Variants in CSMD2 observed in about 807,000 individuals in gnomAD.
The protein encoded by CSMD2 is CUB and sushi domain-containing protein 2.
Under a neutral mutation model 398.5 loss-of-function variants are expected in CSMD2, and 130 were observed. The ratio of observed to expected loss-of-function variants is 0.33; its 90% CI spans 0.28 to 0.38. CSMD2 has a LOEUF of 0.38. CSMD2 is among the 10% of genes least tolerant of loss of function. The probability of loss-of-function intolerance (pLI) is 1.00; values close to 1 mark genes in which losing one functional copy is unlikely to be tolerated. For missense variants in CSMD2, 3,829 were observed against 4,764.9 expected, an observed-to-expected ratio of 0.80 and a Z score of 5.78; for synonymous variants, 1,828 against 1,908.5, an observed-to-expected ratio of 0.96 and a Z score of 1.10.
At chr1:34,040,997 T>C in intron 2 of CSMD2, among the ~76,000 whole-genome samples, 1 of 152,064 alleles carries the variant, frequency 6.6e-6, no homozygotes, top group Non-Finnish European at 1.5e-5. Context: ...TGGTGGTGCA[T>C]GCCTGTAGTC....
At position 34,083,109 on chromosome 1, in the gene CSMD2, G is replaced by T. The variant is rs1401194413; in HGVS notation, c.404+5868C>A. ...AAAAAAAAAAAAAGAAATCAAGGAA[G>T]CAGAGATAGAAAACATAGGCAGCTC... is the stretch of plus-strand genomic sequence containing the variant. On this transcript the variant is annotated intron_variant, in intron 2 of 70. Transcript: ENST00000373381. Among the ~76,000 whole-genome samples, 7 of 151,402 alleles carry T rather than the reference G, an allele frequency of 4.6e-5. 1 individual carries two copies. The highest frequency in any genetic ancestry group is 7.4e-5 in the Non-Finnish European group (5 of 67,852).
At chr1:33,677,161 G>A (rs1415833870) in intron 25 of CSMD2, among the ~76,000 whole-genome samples, 1 of 152,176 alleles carries the variant, frequency 6.6e-6, no homozygotes, top group Non-Finnish European at 1.5e-5. Context: ...ACGAACATCA[G>A]AGTGAACAGG....
At chr1:33,957,212 C>T (rs541741357) in intron 3 of CSMD2, among the ~76,000 whole-genome samples, 4 of 152,242 alleles carry the variant, frequency 2.6e-5, no homozygotes, top group East Asian at 1.9e-4. Context: ...CTAGAAGGTA[C>T]GCTCCATGCA....
intron 1 of CSMD2, among the ~76,000 whole-genome samples, chr1:34,150,144 C>G (rs1640172460): frequency 1.4e-5 from 2 of 145,600 alleles, no homozygotes; most frequent in African/African-American, 5.1e-5. Flanking sequence ...TGCAGTGGTG[C>G]AATCATGGCT....
intron 9 of CSMD2, among the ~76,000 whole-genome samples, chr1:33,812,729 T>G (rs1657000365): frequency 6.6e-6 from 1 of 152,116 alleles, no homozygotes; most frequent in African/African-American, 2.4e-5. Flanking sequence ...GAGGATGAAA[T>G]TATATGAGAT....
intron 57 of CSMD2, among the ~76,000 whole-genome samples, chr1:33,544,794 T>C (rs948580651): frequency 6.6e-6 from 1 of 151,000 alleles, no homozygotes; most frequent in African/African-American, 2.5e-5. Context: ...ACTTGAGTGA[T>C]GGACACTGTA....
chr1:33,900,577 G>A (rs1435646091), intron 5 of CSMD2, among the ~76,000 whole-genome samples: 2 of 152,212 alleles, frequency 1.3e-5, no homozygotes, highest in African/African-American at 2.4e-5. Flanking sequence ...AGGAGTTCAA[G>A]ACCAGCCTGG....
intron 44 of CSMD2, among the ~76,000 whole-genome samples, chr1:33,590,657 G>A (rs1408733457): frequency 6.8e-6 from 1 of 146,014 alleles, no homozygotes; most frequent in Admixed American, 6.9e-5. Context: ...CACATTGATG[G>A]TATCCCACTG....
At position 33,580,840 on chromosome 1, in the gene CSMD2, T is replaced by A; in HGVS notation, c.7300A>T (p.Ile2434Phe). Residue 2434 changes from isoleucine (I) to phenylalanine (F), a missense_variant, in exon 48 of 71, where the codon ATT becomes TTT. Physicochemically the swap from Ile to Phe is conservative, Grantham distance 21 (BLOSUM62 0). Around this residue, in one of 5 missense-constraint regions of CSMD2, gnomAD observed 723 missense variants for 758.6 expected, o/e 0.95. Transcript: ENST00000373381. ...ALSGNYSAPL[I>F]VTSSSNSVYL... ...ACAGAGTTGCTTGAGCTGGTGACAA[T>A]CAGGGGAGCTGAGTAATTCCCACTG... 6.2e-7 allele frequency: 1 copy of A among 1,614,054 alleles called. No individual in the cohort carries two copies. The highest frequency in any genetic ancestry group is 1.1e-5 in the South Asian group (1 of 91,072).
intron 6 of CSMD2, among the ~76,000 whole-genome samples, chr1:33,828,482 GAAGA>G (rs1659074520): frequency 6.6e-6 from 1 of 152,208 alleles, no homozygotes; most frequent in African/African-American, 2.4e-5. Context: ...AGTGGGAGGT[GAAGA>G]AAGAGTCTTC....
At chr1:34,160,031 A>G in intron 1 of CSMD2, among the ~76,000 whole-genome samples, 1 of 152,336 alleles carries the variant, frequency 6.6e-6, no homozygotes, top group East Asian at 1.9e-4. Flanking sequence ...CTGCGGAGCA[A>G]TCAGGTTCCC....
At chr1:34,011,122 T>C (rs1647277188) in intron 3 of CSMD2, among the ~76,000 whole-genome samples, 1 of 152,184 alleles carries the variant, frequency 6.6e-6, no homozygotes, top group Non-Finnish European at 1.5e-5. Context: ...ACTACTGGTC[T>C]AGCCCCAAGC....
At chr1:33,572,391 GT>G (rs34459850) in intron 50 of CSMD2, 114 bp downstream of exon 50, 130,612 of 813,804 alleles carry the variant, frequency 0.16, 2,146 homozygotes, top group East Asian at 0.27. Flanking sequence ...CCATGTCCAT[GT>G]TTTTTTTTTT....
At position 33,633,606 on chromosome 1, in the gene CSMD2, G is replaced by A; in HGVS notation, c.5087-71C>T. 1 of 1,201,858 alleles carries A rather than the reference G, an allele frequency of 8.3e-7. No individual in the cohort carries two copies. Among genetic ancestry groups the A allele is most frequent in the Non-Finnish European group, 1.2e-6 (1 of 830,232 alleles). 74.4% of individuals were successfully genotyped at this position (1,201,858 alleles called of 1,614,324 possible). A position where few individuals can be genotyped will look rare whatever the true frequency, so the allele number is the denominator to read the frequency against. On this transcript the variant is annotated intron_variant, in intron 31 of 70. Transcript: ENST00000373381. This position sits in a 1 kb window ranked among gnomAD's most constrained non-coding sequence, Gnocchi z 5.0. ...CAGGAGAGGGGATCTAGGGGTCTAG[G>A]GGCCCAAGCCAGGAGGAGGGCAGCC...
At chr1:33,923,183 A>G (rs1644008891) in intron 4 of CSMD2, among the ~76,000 whole-genome samples, 1 of 152,122 alleles carries the variant, frequency 6.6e-6, no homozygotes, top group Non-Finnish European at 1.5e-5. Flanking sequence ...TGTCCCTCCC[A>G]AATCTCACGT....
At chr1:34,110,683 G>A (rs1267524072) in intron 1 of CSMD2, among the ~76,000 whole-genome samples, 1 of 146,356 alleles carries the variant, frequency 6.8e-6, no homozygotes, top group Non-Finnish European at 1.6e-5. Context: ...AGAACACATG[G>A]ACACAAAGAG....
At chr1:34,091,742 T>A (rs1658589091) in intron 1 of CSMD2, among the ~76,000 whole-genome samples, 1 of 152,146 alleles carries the variant, frequency 6.6e-6, no homozygotes, top group African/African-American at 2.4e-5. Flanking sequence ...CATTCAAAAC[T>A]AGGAAAAAGA....
chr1:34,036,015 T>C (rs1184004353), intron 2 of CSMD2, among the ~76,000 whole-genome samples: 1 of 152,166 alleles, frequency 6.6e-6, no homozygotes, highest in East Asian at 1.9e-4. Flanking sequence ...ATAGTCACGA[T>C]ACCCAATGCT....
At position 33,831,719 on chromosome 1, in the gene CSMD2, A is replaced by G. The variant is rs1042903215; in HGVS notation, c.1034-5945T>C. 3.3e-5 allele frequency among the ~76,000 whole-genome samples: 5 copies of G among 152,218 alleles called. 1 individual carries two copies. Among genetic ancestry groups the G allele is most frequent in the African/African-American group, 1.2e-4 (5 of 41,456 alleles). On this transcript the variant is annotated intron_variant, in intron 6 of 70. Coordinates refer to ENST00000373381, the MANE Select transcript of CSMD2 (RefSeq NM_001281956.2). The stretch of plus-strand genomic sequence containing the variant: ...CCAATTAAAAGACATCGACTGGTAA[A>G]TTGGATAAAGAGTCAAGACCCATCA...
Sources: allele counts gnomAD v4.1 joint callset (sites outside exome capture counted in the v4.1 genomes callset), GRCh38; gene constraint gnomAD v4.1.1; regional missense constraint gnomAD v4.1.1; non-coding constraint Gnocchi (gnomAD v3.1); transcripts MANE v1.5; gene names NCBI Gene and HGNC (gene_info 2026-07-23, HGNC 2026-07-21).